Variants in PAK6 observed in about 807,000 individuals in gnomAD.
PAK6 encodes p21 (RAC1) activated kinase 6, also known as serine/threonine-protein kinase PAK 6.
In PAK6, 33 loss-of-function variants were observed where a neutral mutation model predicts 60.8. The observed-to-expected ratio is 0.54, with a 90% CI of 0.41 to 0.73. The LOEUF is 0.73. PAK6 is among the 30% of genes least tolerant of loss of function. The pLI, the probability that PAK6 is intolerant of heterozygous loss-of-function variation, is 0.00. For synonymous variants in PAK6, 404 were observed against 378.5 expected, an observed-to-expected ratio of 1.07 and a Z score of -0.78; for missense variants, 845 against 904.1, an observed-to-expected ratio of 0.93 and a Z score of 0.84.
intron 3 of PAK6, among the ~76,000 whole-genome samples, chr15:40,255,470 C>T (rs1440153553): frequency 6.6e-6 from 1 of 152,202 alleles, no homozygotes; most frequent in Non-Finnish European, 1.5e-5. Context: ...GGCCTCTCCG[C>T]ACTTCAGCAC....
chr15:40,272,622 C>T, exon 6 of PAK6: 5 of 1,611,314 alleles, frequency 3.1e-6, no homozygotes, highest in African/African-American at 1.3e-5. Flanking sequence ...GCTCCACCGG[C>T]ATCGTCTGCT....
intron 3 of PAK6, among the ~76,000 whole-genome samples, chr15:40,262,561 G>A (rs2039011979): frequency 6.6e-6 from 1 of 152,144 alleles, no homozygotes; most frequent in Admixed American, 6.5e-5. Context: ...GCCAAAAGGA[G>A]GAGGACAAAT....
At chr15:40,243,761 G>A (rs1167953064) in intron 2 of PAK6, among the ~76,000 whole-genome samples, 1 of 152,230 alleles carries the variant, frequency 6.6e-6, no homozygotes, top group Admixed American at 6.5e-5. Flanking sequence ...GCTTTCTAAG[G>A]AATAACTTGA....
chr15:40,248,236 C>A (rs997217387), intron 2 of PAK6, among the ~76,000 whole-genome samples: 14 of 152,190 alleles, frequency 9.2e-5, no homozygotes, highest in Non-Finnish European at 1.6e-4. Context: ...CTTCCAGATG[C>A]TCGGAGGTTC....
intron 9 of PAK6, 96 bp downstream of exon 9, chr15:40,273,772 C>T: frequency 6.9e-7 from 1 of 1,454,004 alleles, no homozygotes; most frequent in Non-Finnish European, 9.4e-7. Context: ...CCAAAAGCAG[C>T]CCTGGTTTTC....
intron 2 of PAK6, among the ~76,000 whole-genome samples, chr15:40,242,837 G>C (rs1444681400): frequency 6.6e-6 from 1 of 152,206 alleles, no homozygotes; most frequent in Non-Finnish European, 1.5e-5. Context: ...GCAGCACCTT[G>C]TTCTGGCGCA....
chr15:40,251,659 G>C (rs2038672160), intron 2 of PAK6: 1 of 152,688 alleles, frequency 6.5e-6, no homozygotes, highest in South Asian at 2.1e-4. Flanking sequence ...CACATGTACT[G>C]AGTTTCCAAG....
chr15:40,257,500 C>T (rs529544349), intron 3 of PAK6, among the ~76,000 whole-genome samples: 192 of 152,308 alleles, frequency 1.3e-3, no homozygotes, highest in Middle Eastern at 3.4e-3. Flanking sequence ...TGGTGAAAAG[C>T]GGGGTGACGG....
chr15:40,242,878 T>C (rs1176346725), intron 2 of PAK6, among the ~76,000 whole-genome samples: 1 of 152,172 alleles, frequency 6.6e-6, no homozygotes, highest in Non-Finnish European at 1.5e-5. Flanking sequence ...AGCCATGGCC[T>C]GACTACTAGG....
At chr15:40,264,356 G>C (rs1030418682) in intron 3 of PAK6, 6 of 447,448 alleles carry the variant, frequency 1.3e-5, no homozygotes, top group Non-Finnish European at 2.7e-5. Flanking sequence ...TCCTTATCTG[G>C]TTTTAAGAAT....
rs770058646 is a variant in PAK6 at position 40,275,999 on chromosome 15, G to A, written c.1951G>A (p.Glu651Lys). The A allele has an allele frequency of 1.2e-6, 2 of 1,613,084 alleles. No individual in the cohort carries two copies. Among genetic ancestry groups the A allele is most frequent in the Non-Finnish European group, 1.7e-6 (2 of 1,179,820 alleles). The change falls in exon 11 of 11, where the codon GAG becomes AAG. Residue 651 changes from glutamate (E) to lysine (K), a missense_variant. By Grantham distance (56) the Glu-to-Lys change is moderately conservative. Coordinates refer to ENST00000560346, the Ensembl canonical transcript of PAK6. ...CCCCCAAGAGAGAGCCACAGCCCAG[G>A]AGCTCCTAGACCACCCCTTCCTGCT...
intron 2 of PAK6, among the ~76,000 whole-genome samples, chr15:40,248,359 G>GA (rs2140947687): frequency 6.6e-6 from 1 of 152,332 alleles, no homozygotes; most frequent in African/African-American, 2.4e-5. Context: ...GGGGGAGGAA[G>GA]GGATTTTCTC....
At chr15:40,269,636 G>A (rs2039246066) in intron 5 of PAK6, among the ~76,000 whole-genome samples, 1 of 152,216 alleles carries the variant, frequency 6.6e-6, no homozygotes, top group Admixed American at 6.5e-5. Context: ...TCCCTGTGGA[G>A]ACAGGCAGTG....
chr15:40,271,094 G>C (rs1239105982), intron 5 of PAK6, among the ~76,000 whole-genome samples: 1 of 152,194 alleles, frequency 6.6e-6, no homozygotes, highest in African/African-American at 2.4e-5. Flanking sequence ...CTTACATGAT[G>C]GGTTTGGAGA....
intron 2 of PAK6, 77 bp from the exon 3 acceptor site, chr15:40,253,101 G>A (rs1288610782): frequency 9.5e-6 from 4 of 419,564 alleles, no homozygotes; most frequent in Non-Finnish European, 1.5e-5. Flanking sequence ...CCAGCGCCTG[G>A]ACGTCAGCCA....
intron 5 of PAK6, among the ~76,000 whole-genome samples, chr15:40,269,814 T>TGCAGCAGCA (rs956357091): frequency 2.6e-5 from 4 of 152,042 alleles, no homozygotes; most frequent in Non-Finnish European, 5.9e-5. Flanking sequence ...AGCCAGCACC[T>TGCAGCAGCA]GCAGCAGCAG....
At chr15:40,265,568 AC>A (rs2039102544) in intron 4 of PAK6, among the ~76,000 whole-genome samples, 1 of 151,858 alleles carries the variant, frequency 6.6e-6, no homozygotes, top group South Asian at 2.1e-4. Context: ...AGCCGACCAC[AC>A]CCCTGGGCAT....
chr15:40,261,180 G>A (rs1027564394), intron 3 of PAK6, among the ~76,000 whole-genome samples: 9 of 150,638 alleles, frequency 6.0e-5, no homozygotes, highest in African/African-American at 9.7e-5. Flanking sequence ...GAGCCACCGC[G>A]CCTGGCCCTT....
intron 3 of PAK6, 84 bp from the exon 4 acceptor site, chr15:40,264,697 G>A: frequency 8.8e-7 from 1 of 1,133,972 alleles, no homozygotes; most frequent in Non-Finnish European, 1.3e-6. Flanking sequence ...GGGAGGGGAG[G>A]GAGCCCTGAA....
Sources: gnomAD v4.1 joint callset for allele counts (sites outside exome capture counted in the v4.1 genomes callset) on GRCh38, gnomAD v4.1.1 for gene constraint, MANE v1.5 for transcripts, NCBI Gene and HGNC (gene_info 2026-07-23, HGNC 2026-07-21) for gene names.